Variants in EIF4ENIF1 observed in about 807,000 individuals in gnomAD.
EIF4ENIF1 encodes the protein eukaryotic translation initiation factor 4E transporter.
EIF4ENIF1 carries 23 observed loss-of-function variants against 110.5 expected under a neutral mutation model. That is an observed-to-expected ratio of 0.21 (90% CI 0.15 to 0.29). The LOEUF is 0.29. Among genes scored for constraint, EIF4ENIF1 ranks in the 10% least tolerant of loss-of-function variants. The probability of loss-of-function intolerance (pLI) is 1.00; values close to 1 mark genes in which losing one functional copy is unlikely to be tolerated. For synonymous variants in EIF4ENIF1, 440 were observed against 437.0 expected (o/e 1.01, Z -0.09); for missense variants, 1,031 against 1,221.1 (o/e 0.84, Z 2.32).
At position 31,468,242 on chromosome 22, in the gene EIF4ENIF1, G is replaced by A. The variant is rs539494389; in HGVS notation, c.231C>T (p.Ser77=). Residue 77 remains serine, a synonymous_variant, in exon 4 of 19, where the codon AGC becomes AGT. Transcript: ENST00000330125. ...HASLYPASGR[S]SPVESLKKEL... ...CTTTCTTCAGACTTTCCACTGGTGA[G>A]CTCCGCCCTGAAGCTGGGTAGAGAG... The A allele has an allele frequency of 2.2e-5, 35 of 1,614,176 alleles. No homozygotes were observed. The South Asian group carries it at 2.5e-4, about 12-fold the overall frequency.
intron 3 of EIF4ENIF1, among the ~76,000 whole-genome samples, chr22:31,471,439 C>T (rs188719175): frequency 9.9e-5 from 15 of 152,224 alleles, no homozygotes; most frequent in African/African-American, 2.4e-4. Flanking sequence ...CTCAGCCTCC[C>T]GAGTAGCTGG....
chr22:31,489,576 C>G (rs2052184699), intron 1 of EIF4ENIF1, 118 bp downstream of exon 1: 1 of 148,402 alleles, frequency 6.7e-6, no homozygotes, highest in South Asian at 2.1e-4. Context: ...CTGCGGGCGC[C>G]CCGGCGCCCG....
At position 31,439,985 on chromosome 22, in the gene EIF4ENIF1, G is replaced by T; in HGVS notation, c.2853C>A (p.Ser951=). 1 of 1,614,092 alleles carries T rather than the reference G, an allele frequency of 6.2e-7. No homozygotes were observed. The highest frequency in any genetic ancestry group is 8.5e-7 in the Non-Finnish European group (1 of 1,179,974). The change falls in exon 19 of 19, where the codon TCC becomes TCA. Residue 951 remains serine (S), a synonymous_variant. Coordinates refer to ENST00000330125, the MANE Select transcript of EIF4ENIF1 (RefSeq NM_019843.4). ...CAAACCATTTGGCAAGGCCCACAGG[G>T]GAGCTGCTCCTCTGGCTGGGGCGAT... The part of the protein sequence containing the change: ...LEHRPSQRSS[S]PVGLAKWFGS...
rs2080478082 is a variant in EIF4ENIF1, at chr22:31,439,690, A to G, written c.*190T>C. 2 of 731,768 alleles carry G rather than the reference A, an allele frequency of 2.7e-6. No individual in the cohort carries two copies. Among genetic ancestry groups the G allele is most frequent in the African/African-American group, 3.6e-5 (2 of 56,140 alleles). 45.3% of individuals were successfully genotyped at this position (731,768 alleles called of 1,614,324 possible). A position where few individuals can be genotyped will look rare whatever the true frequency, so the allele number is the denominator to read the frequency against. ...AACATTGTGCATCCTGTATTCAGAC[A>G]ATGTACACTCCACTCGACTGGTTAA... On this transcript the variant is annotated 3_prime_UTR_variant, in exon 19 of 19. Coordinates refer to ENST00000330125, the MANE Select transcript of EIF4ENIF1 (RefSeq NM_019843.4).
At chr22:31,437,861 G>A (rs2050195641), downstream of EIF4ENIF1, 1 of 152,140 alleles carries the variant, frequency 6.6e-6, no homozygotes, top group Non-Finnish European at 1.5e-5. Context: ...CTAAACAGAG[G>A]GTCTATTTCT....
chr22:31,442,976 T>A lies in EIF4ENIF1; in HGVS notation c.2192A>T (p.Gln731Leu). 6.2e-7 allele frequency: 1 copy of A among 1,614,078 alleles called. No homozygotes were observed. The highest frequency in any genetic ancestry group is 8.5e-7 in the Non-Finnish European group (1 of 1,179,936). The change falls in exon 16 of 19, where the codon CAG becomes CTG. Residue 731 changes from glutamine to leucine, a missense_variant. Coordinates refer to ENST00000330125, the MANE Select transcript of EIF4ENIF1 (RefSeq NM_019843.4). The part of the protein sequence containing the change: ...AALGDSKEDT[Q>L]KASEENLLSS... The stretch of plus-strand genomic sequence containing the variant: ...CTCTGCAGTACCTTCACTGGCCTTC[T>A]GAGTATCCTCTTTACTGTCACCAAG...
intron 2 of EIF4ENIF1, among the ~76,000 whole-genome samples, chr22:31,477,118 C>CA (rs549095127): frequency 0.027 from 3,923 of 143,388 alleles, 72 homozygotes; most frequent in Non-Finnish European, 0.039. Flanking sequence ...AAACCTGTCT[C>CA]AAAAAAAAAA....
rs977580866 is a variant in EIF4ENIF1, at chr22:31,475,677, C to T, written c.97-3760G>A. Among the ~76,000 whole-genome samples the T allele has an allele frequency of 4.0e-5, 6 of 150,056 alleles. No individual in the cohort carries two copies. In the South Asian group the frequency reaches 6.3e-4, roughly 16 times the overall value. On this transcript the variant is annotated intron_variant, in intron 2 of 18. Transcript: ENST00000330125. ...GGCTGAGGTTGCAGTGATCTGAGTT[C>T]GCGCCACTGCACTCCAGCCTGGGTG... is the stretch of plus-strand genomic sequence containing the variant.
At chr22:31,447,649 T>C in intron 13 of EIF4ENIF1, 84 bp from the exon 14 acceptor site, 1 of 1,457,030 alleles carries the variant, frequency 6.9e-7, no homozygotes, top group South Asian at 1.4e-5. Flanking sequence ...CTTAGAAAGG[T>C]ATGTTAAGCA....
At chr22:31,472,780 G>A (rs182124327) in intron 2 of EIF4ENIF1, among the ~76,000 whole-genome samples, 2 of 151,918 alleles carry the variant, frequency 1.3e-5, no homozygotes, top group Admixed American at 6.6e-5. Context: ...AGGATATCTC[G>A]GGTGTCAATT....
chr22:31,480,711 C>T (rs992269844), intron 2 of EIF4ENIF1, among the ~76,000 whole-genome samples: 2 of 151,638 alleles, frequency 1.3e-5, no homozygotes, highest in African/African-American at 4.8e-5. Flanking sequence ...GCCAAGATCA[C>T]GCCATTGCAC....
Position 31,454,026 on chromosome 22 carries a change from TGAC to T in EIF4ENIF1, c.1512+115_1512+117del. 3.5e-6 allele frequency: 3 copies of T among 850,770 alleles called. No homozygotes were observed. The South Asian group carries it at 5.3e-5, about 15-fold the overall frequency. 52.7% of individuals were successfully genotyped at this position (850,770 alleles called of 1,614,324 possible). A position where few individuals can be genotyped will look rare whatever the true frequency, so the allele number is the denominator to read the frequency against. ...ACACACAAAAGCATCAAGGACCAAA[TGAC>T]TACTAAAGAATTTCCAACTTACTCA... On this transcript the variant is annotated intron_variant, in intron 10 of 18. Transcript: ENST00000330125.
intron 7 of EIF4ENIF1, among the ~76,000 whole-genome samples, chr22:31,458,115 C>T (rs1395663315): frequency 6.6e-6 from 1 of 151,812 alleles, no homozygotes; most frequent in East Asian, 1.9e-4. Context: ...GTGATCCCAA[C>T]TACTCAGGAG....
intron 2 of EIF4ENIF1, among the ~76,000 whole-genome samples, chr22:31,482,507 C>A (rs2051855488): frequency 6.6e-6 from 1 of 151,798 alleles, no homozygotes; most frequent in African/African-American, 2.4e-5. Flanking sequence ...TATGGTGAAA[C>A]CCCGTTTCTA....
chr22:31,446,195 G>T (rs532330175), intron 14 of EIF4ENIF1, among the ~76,000 whole-genome samples: 2 of 144,654 alleles, frequency 1.4e-5, no homozygotes, highest in South Asian at 4.4e-4. Context: ...TGAGGCATGA[G>T]AACTGCTTGA....
At chr22:31,461,128 T>C (rs1333583096) in intron 6 of EIF4ENIF1, among the ~76,000 whole-genome samples, 1 of 152,224 alleles carries the variant, frequency 6.6e-6, no homozygotes, top group Admixed American at 6.5e-5. Flanking sequence ...CCTTAAGTTA[T>C]GATAGGCATT....
chr22:31,476,224 C>A (rs899964010), intron 2 of EIF4ENIF1, among the ~76,000 whole-genome samples: 1 of 152,210 alleles, frequency 6.6e-6, no homozygotes, highest in East Asian at 1.9e-4. Context: ...CAATCAAAGA[C>A]AATCTTTCAC....
downstream of EIF4ENIF1, among the ~76,000 whole-genome samples, chr22:31,438,876 C>A (rs1480449488): frequency 6.6e-6 from 1 of 152,064 alleles, no homozygotes; most frequent in Non-Finnish European, 1.5e-5. Flanking sequence ...GTGTGGGCCA[C>A]CATGCCCAGC....
chr22:31,484,930 G>A (rs1411340501), intron 2 of EIF4ENIF1, among the ~76,000 whole-genome samples: 1 of 152,156 alleles, frequency 6.6e-6, no homozygotes, highest in Non-Finnish European at 1.5e-5. Flanking sequence ...ATTTATTCCA[G>A]TACTTTGATC....
Sources: gnomAD v4.1 joint callset for allele counts (sites outside exome capture counted in the v4.1 genomes callset) on GRCh38, gnomAD v4.1.1 for gene constraint, MANE v1.5 for transcripts, NCBI Gene and HGNC (gene_info 2026-07-23, HGNC 2026-07-21) for gene names.